STON2: variants seen among roughly 807,000 people sequenced by gnomAD.
STON2 encodes the protein stonin 2.
Under a neutral mutation model 65.7 loss-of-function variants are expected in STON2, and 29 were observed. That is an observed-to-expected ratio of 0.44 (90% CI 0.33 to 0.60). The LOEUF is 0.60. Ranked by LOEUF, STON2 falls within the 20% of genes least tolerant of loss-of-function variation. The pLI, the probability that STON2 is intolerant of heterozygous loss-of-function variation, is 0.03. For missense variants in STON2, 1,054 were observed against 1,118.1 expected (o/e 0.94, Z 0.82); for synonymous variants, 404 against 414.2 (o/e 0.98, Z 0.30).
At chr14:81,278,802 A>C in intron 5 of STON2, 63 bp from the exon 6 acceptor site, 1 of 1,313,318 alleles carries the variant, frequency 7.6e-7, no homozygotes, top group East Asian at 2.4e-5. Flanking sequence ...GGAAAACTGA[A>C]GTATAGGAAT....
intron 1 of STON2, among the ~76,000 whole-genome samples, chr14:81,398,924 T>G (rs1468290820): frequency 6.6e-6 from 1 of 152,256 alleles, no homozygotes; most frequent in African/African-American, 2.4e-5. Flanking sequence ...ATGCTTTCAC[T>G]TTCTCTTACT....
intron 2 of STON2, among the ~76,000 whole-genome samples, chr14:81,409,401 T>C (rs1392375168): frequency 1.4e-5 from 2 of 144,428 alleles, no homozygotes; most frequent in Non-Finnish European, 3.0e-5. Context: ...TGAGACTCCA[T>C]CTCAAAAAAA....
At chr14:81,404,373 T>C (rs529428189), upstream of STON2, among the ~76,000 whole-genome samples, 1 of 152,380 alleles carries the variant, frequency 6.6e-6, no homozygotes, top group South Asian at 2.1e-4. Context: ...ACTGCTTTCA[T>C]GTTAAAATGG....
Position 81,396,151 on chromosome 14 carries a change from A to G in STON2, c.116T>C (p.Leu39Pro). Residue 39 changes from leucine to proline, a missense_variant, in exon 3 of 8, where the codon CTG (leucine) becomes CCG (proline). Transcript: ENST00000614646. ...QGGTEEHLPGLSSSPDQSESS... is the reference protein window; with the variant it reads ...QGGTEEHLPGPSSSPDQSESS... ...CTCGGACTGGTCTGGGGAAGATGAC[A>G]GTCCTGGGAGGTGCTCTTCCGTGCC... 1 of 1,613,148 alleles carries G rather than the reference A, an allele frequency of 6.2e-7. No individual in the cohort carries two copies. Among genetic ancestry groups the G allele is most frequent in the Non-Finnish European group, 8.5e-7 (1 of 1,179,524 alleles).
intron 1 of STON2, among the ~76,000 whole-genome samples, chr14:81,433,396 C>T (rs1314773919): frequency 2.6e-5 from 4 of 152,174 alleles, no homozygotes; most frequent in African/African-American, 7.2e-5. Flanking sequence ...CTGTCAAAGC[C>T]CAACTCAAAA....
chr14:81,296,475 A>C (rs912739401), intron 5 of STON2, among the ~76,000 whole-genome samples: 1 of 152,158 alleles, frequency 6.6e-6, no homozygotes, highest in African/African-American at 2.4e-5. Flanking sequence ...CTCCACTCTA[A>C]AAATAGTAAC....
At chr14:81,381,846 C>T (rs953288609) in intron 3 of STON2, among the ~76,000 whole-genome samples, 2 of 152,118 alleles carry the variant, frequency 1.3e-5, no homozygotes, top group Non-Finnish European at 2.9e-5. Flanking sequence ...ACCACCTGCA[C>T]ATGTTCACCA....
chr14:81,398,308 A>T lies in STON2; in HGVS notation c.75T>A (p.Pro25=). The change falls in exon 2 of 8, where the codon CCT becomes CCA. Residue 25 remains proline, a synonymous_variant. Transcript: ENST00000614646. Reference sequence around the variant, plus strand: ...GGCACTCCTTACCCTGCGAGTGGGCAGGAAAGGGTGGCTCTTCATTGAAGG... The same window carrying T: ...GGCACTCCTTACCCTGCGAGTGGGCTGGAAAGGGTGGCTCTTCATTGAAGG... ...WVSFNEEPPF[P]AHSQGGTEEH... is the part of the protein sequence containing the mutation. 2 of 1,613,606 alleles carry T rather than the reference A, an allele frequency of 1.2e-6. No homozygotes were observed. The highest frequency in any genetic ancestry group is 1.7e-6 in the Non-Finnish European group (2 of 1,179,604).
intron 4 of STON2, among the ~76,000 whole-genome samples, chr14:81,340,634 T>C (rs1838593467): frequency 6.6e-6 from 1 of 152,098 alleles, no homozygotes; most frequent in South Asian, 2.1e-4. Context: ...TTCTGGCCAG[T>C]AGGATGCACA....
At position 81,332,280 on chromosome 14, in the gene STON2, G is replaced by T. The variant is rs568325199; in HGVS notation, c.572-8093C>A. On this transcript the variant is annotated intron_variant, in intron 4 of 7. Coordinates refer to ENST00000614646, the MANE Select transcript of STON2 (RefSeq NM_001394390.1). ...CAAATGAGGATATCCAGCTTGCTTT[G>T]TATGTTTGGGATGATTCTGAAAGAA... Among the ~76,000 whole-genome samples, 13 of 152,262 alleles carry T rather than the reference G, an allele frequency of 8.5e-5. No homozygotes were observed. The East Asian group carries it at 1.9e-3, about 23-fold the overall frequency.
chr14:81,368,628 T>C (rs940311514), intron 4 of STON2, among the ~76,000 whole-genome samples: 1 of 152,042 alleles, frequency 6.6e-6, no homozygotes, highest in Non-Finnish European at 1.5e-5. Context: ...GCAGGAAAAC[T>C]ACTTGAGCCT....
In STON2 at chr14:81,386,000, C is replaced by G. The variant is rs563806992; in HGVS notation, c.373+9894G>C. On this transcript the variant is annotated intron_variant, in intron 3 of 7. Transcript: ENST00000614646. ...AGTGAAAATGTGGAGGAAAAGCTCT[C>G]AGGGCAGAGGGAACAGCCAGGGCAG... 1.3e-4 allele frequency among the ~76,000 whole-genome samples: 20 copies of G among 152,228 alleles called. No homozygotes were observed. The South Asian group carries it at 4.1e-3, about 32-fold the overall frequency.
At chr14:81,418,714 AATG>A (rs755921180) in intron 2 of STON2, among the ~76,000 whole-genome samples, 3 of 152,224 alleles carry the variant, frequency 2.0e-5, no homozygotes, top group Non-Finnish European at 4.4e-5. Flanking sequence ...AAATTCTCTG[AATG>A]ACCACAGCAC....
intron 3 of STON2, among the ~76,000 whole-genome samples, chr14:81,389,079 C>T (rs1034707547): frequency 3.3e-5 from 5 of 152,196 alleles, no homozygotes; most frequent in Admixed American, 3.3e-4. Flanking sequence ...TCTCTCCCAA[C>T]ATGAAGACAT....
At chr14:81,280,034 C>A (rs997632799) in intron 5 of STON2, among the ~76,000 whole-genome samples, 13 of 152,248 alleles carry the variant, frequency 8.5e-5, no homozygotes, top group Non-Finnish European at 1.6e-4. Context: ...AAATAATACC[C>A]ACCCACTAAA....
chr14:81,314,208 C>A (rs1489259880), intron 5 of STON2, among the ~76,000 whole-genome samples: 1 of 152,232 alleles, frequency 6.6e-6, no homozygotes, highest in Non-Finnish European at 1.5e-5. Context: ...GCCAAGGCCA[C>A]TTCCTGGTAG....
chr14:81,386,165 C>T (rs778905597), intron 3 of STON2, among the ~76,000 whole-genome samples: 6 of 152,048 alleles, frequency 3.9e-5, no homozygotes, highest in Non-Finnish European at 8.8e-5. Context: ...TCCTCTGAGA[C>T]GGACTCCACA....
intron 5 of STON2, among the ~76,000 whole-genome samples, chr14:81,314,372 G>T (rs1217092460): frequency 6.6e-6 from 1 of 152,222 alleles, no homozygotes; most frequent in Non-Finnish European, 1.5e-5. Context: ...TATTCAAATG[G>T]TCTATAGTGG....
At chr14:81,417,569 C>G (rs573789620) in intron 2 of STON2, among the ~76,000 whole-genome samples, 68 of 152,220 alleles carry the variant, frequency 4.5e-4, no homozygotes, top group African/African-American at 1.6e-3. Flanking sequence ...CCTAAGGAAA[C>G]TAGGAGTGGT....
Sources: allele counts gnomAD v4.1 joint callset (sites outside exome capture counted in the v4.1 genomes callset), GRCh38; gene constraint gnomAD v4.1.1; transcripts MANE v1.5; gene names NCBI Gene and HGNC (gene_info 2026-07-23, HGNC 2026-07-21).